The following PTPN1 variants were observed in gnomAD, a reference collection of about 807,000 sequenced individuals.
The protein encoded by PTPN1 is tyrosine-protein phosphatase non-receptor type 1.
PTPN1 carries 12 observed loss-of-function variants against 59.9 expected under a neutral mutation model. The observed-to-expected ratio is 0.20, with a 90% CI of 0.13 to 0.32. PTPN1 has a LOEUF of 0.32. Among genes scored for constraint, PTPN1 ranks in the 10% least tolerant of loss-of-function variants. The pLI, the probability that PTPN1 is intolerant of heterozygous loss-of-function variation, is 1.00. For missense variants in PTPN1, 356 were observed against 549.2 expected (o/e 0.65, Z 3.52); for synonymous variants, 178 against 203.6 (o/e 0.87, Z 1.07).
At chr20:50,580,045 A>C in intron 8 of PTPN1, 119 bp downstream of exon 8, 1 of 925,546 alleles carries the variant, frequency 1.1e-6, no homozygotes, top group South Asian at 1.6e-5. Context: ...GCGCTTCCGC[A>C]TCCTTGGGGA....
Position 50,539,288 on chromosome 20 carries a change from A to G in PTPN1, c.64-22075A>G, listed in dbSNP as rs1195790850. ...CGACCTCAGGTGATCCACCTGCCTC[A>G]GCCTTCCAAAGTGCTGGGATTCCAG... On this transcript the variant is annotated intron_variant, in intron 1 of 9. Transcript: ENST00000371621. Among the ~76,000 whole-genome samples the G allele has an allele frequency of 2.0e-5, 3 of 152,006 alleles. No homozygotes were observed. In the East Asian group the frequency reaches 5.8e-4, roughly 29 times the overall value.
At chr20:50,522,193 A>G (rs2082554573) in intron 1 of PTPN1, among the ~76,000 whole-genome samples, 1 of 151,886 alleles carries the variant, frequency 6.6e-6, no homozygotes, top group South Asian at 2.1e-4. Context: ...TCCTTCTGCT[A>G]TTTTGAGGAA....
rs145551437 is a variant in PTPN1 at position 50,569,766 on chromosome 20, C to T, written c.354+1288C>T. On this transcript the variant is annotated intron_variant, in intron 4 of 9. Coordinates refer to ENST00000371621, the MANE Select transcript of PTPN1 (RefSeq NM_002827.4). ...TCCTGTGTAGACTGTCTCTGTAGAC[C>T]GTCCTGTGTAGATTGTCTGTGTAGA... 9.6e-3 allele frequency among the ~76,000 whole-genome samples: 1,453 copies of T among 152,010 alleles called. 27 individuals carry two copies. Among genetic ancestry groups the T allele is most frequent in the African/African-American group, 0.032 (1,347 of 41,448 alleles).
chr20:50,541,634 C>T (rs1193321313), intron 1 of PTPN1, among the ~76,000 whole-genome samples: 1 of 152,114 alleles, frequency 6.6e-6, no homozygotes. Context: ...CCTTTCTGAC[C>T]TTTTGTGTGA....
At chr20:50,552,886 C>T (rs1425065501) in intron 1 of PTPN1, among the ~76,000 whole-genome samples, 1 of 151,972 alleles carries the variant, frequency 6.6e-6, no homozygotes, top group Non-Finnish European at 1.5e-5. Flanking sequence ...ATGGCTCACT[C>T]CCTCACCTTC....
Position 50,582,564 on chromosome 20 carries a change from T to A in PTPN1, c.1285-128T>A. 1.0e-6 allele frequency: 1 copy of A among 961,202 alleles called. No individual in the cohort carries two copies. Among genetic ancestry groups the A allele is most frequent in the Non-Finnish European group, 1.6e-6 (1 of 642,558 alleles). The allele number at this position is 961,202 out of a possible 1,614,324, so 59.5% of individuals were successfully genotyped here. A position where few individuals can be genotyped will look rare whatever the true frequency, so the allele number is the denominator to read the frequency against. ...GGGGAGAGGGGGCTACTGTAAAAAA[T>A]AAAACCAAAACCCCCTTTGCTCCCT... On this transcript the variant is annotated intron_variant, in intron 9 of 9. Coordinates refer to ENST00000371621, the MANE Select transcript of PTPN1 (RefSeq NM_002827.4). This position sits in a 1 kb window ranked among gnomAD's most constrained non-coding sequence, Gnocchi z 4.2.
At chr20:50,537,399 C>T (rs1228724554) in intron 1 of PTPN1, among the ~76,000 whole-genome samples, 7 of 152,074 alleles carry the variant, frequency 4.6e-5, no homozygotes, top group Admixed American at 3.9e-4. Context: ...GCCTAGTTCC[C>T]CCATCCACTG....
At chr20:50,512,122 A>G (rs1352031663) in intron 1 of PTPN1, among the ~76,000 whole-genome samples, 2 of 152,252 alleles carry the variant, frequency 1.3e-5, no homozygotes, top group Admixed American at 6.5e-5. Flanking sequence ...ATGATTGATC[A>G]GTATATAAAA....
chr20:50,534,021 C>A (rs2082613148), intron 1 of PTPN1, among the ~76,000 whole-genome samples: 1 of 152,172 alleles, frequency 6.6e-6, no homozygotes, highest in African/African-American at 2.4e-5. Flanking sequence ...ACCTCCGCCT[C>A]CCGAGTTCAA....
chr20:50,581,198 A>G (rs1286491223), intron 8 of PTPN1, 67 bp from the exon 9 acceptor site: 3 of 1,521,922 alleles, frequency 2.0e-6, no homozygotes, highest in African/African-American at 1.4e-5. Flanking sequence ...TCCTGCCACA[A>G]TAGCAGCATC....
Position 50,548,249 on chromosome 20 carries a change from C to G in PTPN1, c.64-13114C>G, listed in dbSNP as rs371375647. Among the ~76,000 whole-genome samples the G allele has an allele frequency of 4.6e-5, 7 of 152,214 alleles. No homozygotes were observed. The East Asian group carries it at 9.6e-4, about 21-fold the overall frequency. On this transcript the variant is annotated intron_variant, in intron 1 of 9. Transcript: ENST00000371621. ...GGGCTTAGTCTAGCGTTTATCCTAT[C>G]TCTTAAGGTTTTTTAAAAAATTTTC...
At chr20:50,550,474 G>A (rs1220166155) in intron 1 of PTPN1, among the ~76,000 whole-genome samples, 1 of 152,272 alleles carries the variant, frequency 6.6e-6, no homozygotes, top group African/African-American at 2.4e-5. Flanking sequence ...ACACTGTTTG[G>A]TCAGAAGGCT....
chr20:50,574,301 T>C (rs2082825223), intron 4 of PTPN1: 1 of 513,156 alleles, frequency 1.9e-6, no homozygotes, highest in Non-Finnish European at 3.4e-6. Context: ...GGTTTGGAAG[T>C]CTGAGCCCTG....
intron 6 of PTPN1, 136 bp from the exon 7 acceptor site, chr20:50,579,032 C>T (rs2082851558): frequency 9.6e-7 from 1 of 1,041,336 alleles, no homozygotes; most frequent in Middle Eastern, 2.1e-4. Flanking sequence ...CCAGACACCT[C>T]CCACCCAGCC....
At chr20:50,537,216 G>A (rs950615213) in intron 1 of PTPN1, among the ~76,000 whole-genome samples, 1 of 152,160 alleles carries the variant, frequency 6.6e-6, no homozygotes, top group Non-Finnish European at 1.5e-5. Flanking sequence ...CCAGCTAGTT[G>A]GGAGGCTGAG....
chr20:50,559,524 A>G lies in PTPN1; in HGVS notation c.64-1839A>G, dbSNP rs79216635. On this transcript the variant is annotated intron_variant, in intron 1 of 9. Coordinates refer to ENST00000371621, the MANE Select transcript of PTPN1 (RefSeq NM_002827.4). ...TCTGGGATTGCAATTACTGTGCCTT[A>G]GAATGGGTCTGTTTTTATCATTATG... Among the ~76,000 whole-genome samples, 76 of 152,350 alleles carry G rather than the reference A, an allele frequency of 5.0e-4. 1 individual carries two copies. The East Asian group carries it at 0.013, about 27-fold the overall frequency.
At position 50,510,385 on chromosome 20, in the gene PTPN1, G is replaced by A. The variant is rs1038514452; in HGVS notation, c.-143G>A. 1.4e-5 allele frequency: 12 copies of A among 852,962 alleles called. No homozygotes were observed. The Admixed American group carries it at 3.3e-4, about 23-fold the overall frequency. 52.8% of individuals were successfully genotyped at this position (852,962 alleles called of 1,614,324 possible). A position where few individuals can be genotyped will look rare whatever the true frequency, so the allele number is the denominator to read the frequency against. On this transcript the variant is annotated 5_prime_UTR_variant, in exon 1 of 10. The change abolishes an upstream ATG in the 5' untranslated region. Transcript: ENST00000371621. ...CGTAGTTCCGGCTGCCGGTTGACATGAAGAAGCAGCAGCGGCTAGGGCGGC... is the reference window on the plus strand; with the variant it reads ...CGTAGTTCCGGCTGCCGGTTGACATAAAGAAGCAGCAGCGGCTAGGGCGGC...
At chr20:50,558,776 G>T (rs1043133177) in intron 1 of PTPN1, among the ~76,000 whole-genome samples, 24 of 152,106 alleles carry the variant, frequency 1.6e-4, no homozygotes, top group African/African-American at 5.6e-4. Context: ...TATCTCGTGA[G>T]TCATACTCCT....
intron 3 of PTPN1, among the ~76,000 whole-genome samples, chr20:50,566,915 A>G (rs141947604): frequency 5.3e-5 from 8 of 152,294 alleles, no homozygotes; most frequent in Non-Finnish European, 1.0e-4. Flanking sequence ...GCCATGTGCC[A>G]CGGGATTTCT....
Sources: allele counts gnomAD v4.1 joint callset (sites outside exome capture counted in the v4.1 genomes callset), GRCh38; gene constraint gnomAD v4.1.1; non-coding constraint Gnocchi (gnomAD v3.1); transcripts MANE v1.5; gene names NCBI Gene and HGNC (gene_info 2026-07-23, HGNC 2026-07-21).